IL6R: variants seen among roughly 807,000 people sequenced by gnomAD.
IL6R encodes the protein interleukin-6 receptor subunit alpha.
IL6R carries 38 observed loss-of-function variants against 48.3 expected under a neutral mutation model. The observed-to-expected ratio is 0.79, with a 90% CI of 0.61 to 1.03. IL6R has a LOEUF of 1.03. IL6R is among the 50% of genes least tolerant of loss of function. The pLI, the probability that IL6R is intolerant of heterozygous loss-of-function variation, is 0.00. For synonymous variants in IL6R, 264 were observed against 256.2 expected (o/e 1.03, Z -0.29); for missense variants, 534 against 618.3 (o/e 0.86, Z 1.45).
At chr1:154,448,243 C>A in intron 7 of IL6R, 72 bp downstream of exon 7, 1 of 1,270,184 alleles carries the variant, frequency 7.9e-7, no homozygotes. Flanking sequence ...TGATGCCAGA[C>A]CGAATTTGGT....
intron 6 of IL6R, among the ~76,000 whole-genome samples, chr1:154,440,013 C>T (rs1689845850): frequency 6.6e-6 from 1 of 152,260 alleles, no homozygotes; most frequent in African/African-American, 2.4e-5. Context: ...AGCAATTCTC[C>T]AGCCTTAGCC....
chr1:154,417,896 G>A (rs991903085), intron 1 of IL6R, among the ~76,000 whole-genome samples: 3 of 152,000 alleles, frequency 2.0e-5, no homozygotes, highest in Non-Finnish European at 2.9e-5. Context: ...CACCATACCC[G>A]GCTAATTTTT....
chr1:154,405,739 G>T lies in IL6R; in HGVS notation c.85+25G>T. The T allele has an allele frequency of 7.0e-7, 1 of 1,432,074 alleles. No individual in the cohort carries two copies. The highest frequency in any genetic ancestry group is 9.1e-7 in the Non-Finnish European group (1 of 1,098,226). 88.7% of individuals were successfully genotyped at this position (1,432,074 alleles called of 1,614,324 possible). A position where few individuals can be genotyped will look rare whatever the true frequency, so the allele number is the denominator to read the frequency against. On this transcript the variant is annotated intron_variant, in intron 1 of 9. Coordinates refer to ENST00000368485, the MANE Select transcript of IL6R (RefSeq NM_000565.4). This position sits in a 1 kb window ranked among gnomAD's most constrained non-coding sequence, Gnocchi z 5.2. ...GGTAAGGGCTTCGGGCGCACCTGGA[G>T]GGCTGGGGCAGCTAGCGGCTGGGGG...
chr1:154,426,873 C>A (rs1689005560), intron 1 of IL6R, among the ~76,000 whole-genome samples: 1 of 152,014 alleles, frequency 6.6e-6, no homozygotes, highest in African/African-American at 2.4e-5. Context: ...CAGTAGCAGT[C>A]CACCCCTTAT....
At chr1:154,452,934 G>A (rs1010450399) in intron 8 of IL6R, among the ~76,000 whole-genome samples, 3 of 152,296 alleles carry the variant, frequency 2.0e-5, no homozygotes, top group South Asian at 2.1e-4. Flanking sequence ...GCCAGGCGCC[G>A]TGGCTCATGC....
chr1:154,451,243 C>A (rs968916746), intron 8 of IL6R, among the ~76,000 whole-genome samples: 1 of 152,124 alleles, frequency 6.6e-6, no homozygotes, highest in African/African-American at 2.4e-5. Context: ...ATGGGCCGGG[C>A]GCGGTGGCTT....
intron 1 of IL6R, 106 bp from the exon 2 acceptor site, chr1:154,429,090 G>A: frequency 7.8e-7 from 1 of 1,275,614 alleles, no homozygotes; most frequent in Non-Finnish European, 1.1e-6. Context: ...GGTAGCCTGG[G>A]CCACTTCATC....
intron 1 of IL6R, chr1:154,415,087 TA>T: frequency 7.7e-7 from 1 of 1,306,540 alleles, no homozygotes. Context: ...CTGCACTTGC[TA>T]AGATTGGGGC....
At chr1:154,463,745 ATCTT>A (rs1423582379) in intron 9 of IL6R, among the ~76,000 whole-genome samples, 3 of 152,232 alleles carry the variant, frequency 2.0e-5, no homozygotes, top group African/African-American at 2.4e-5. Context: ...TCACCATTTC[ATCTT>A]TCTTTGAGCT....
intron 1 of IL6R, among the ~76,000 whole-genome samples, chr1:154,408,627 A>G (rs12083537): frequency 0.22 from 33,548 of 151,940 alleles, 4,020 homozygotes; most frequent in African/African-American, 0.29. Context: ...CTCAGCAGCC[A>G]GGGTAAACAA....
At chr1:154,418,411 A>T in intron 1 of IL6R, 1 of 984,890 alleles carries the variant, frequency 1.0e-6, no homozygotes, top group Middle Eastern at 5.2e-4. Flanking sequence ...CATCGTGTGG[A>T]TGGGAGGAAG....
chr1:154,449,044 C>T (rs913754804), intron 7 of IL6R, among the ~76,000 whole-genome samples: 31 of 147,120 alleles, frequency 2.1e-4, no homozygotes, highest in Middle Eastern at 3.5e-3. Context: ...CAGGCGCCCG[C>T]GACCGCGCCT....
At chr1:154,451,682 A>C (rs1397665815) in intron 8 of IL6R, among the ~76,000 whole-genome samples, 1 of 151,740 alleles carries the variant, frequency 6.6e-6, no homozygotes, top group Non-Finnish European at 1.5e-5. Flanking sequence ...GATTACAGGC[A>C]TGCACCACCA....
intron 8 of IL6R, among the ~76,000 whole-genome samples, chr1:154,452,715 C>T (rs1317722689): frequency 1.3e-5 from 2 of 151,744 alleles, no homozygotes; most frequent in Non-Finnish European, 2.9e-5. Flanking sequence ...CCTGTAGTCC[C>T]AGCTCCTCGG....
At chr1:154,424,218 C>G (rs1165002439) in intron 1 of IL6R, among the ~76,000 whole-genome samples, 1 of 152,196 alleles carries the variant, frequency 6.6e-6, no homozygotes, top group African/African-American at 2.4e-5. Flanking sequence ...GTGGGCACCC[C>G]TAACATGCCC....
intron 1 of IL6R, chr1:154,414,693 G>T: frequency 1.2e-6 from 1 of 855,098 alleles, no homozygotes; most frequent in Non-Finnish European, 2.0e-6. Context: ...ACACTTTGTT[G>T]TAGCTGCCCT....
chr1:154,426,076 G>GACACACACACACACACAC (rs34280647), intron 1 of IL6R, among the ~76,000 whole-genome samples: 94 of 119,962 alleles, frequency 7.8e-4, no homozygotes, highest in African/African-American at 2.8e-3. Context: ...CCCTGTATCA[G>GACACACACACACACACAC]ACACACACAC....
rs1691594988 is a variant in IL6R, at chr1:154,467,300, T to C, written c.*1920T>C. 1 of 152,150 alleles carries C rather than the reference T, an allele frequency of 6.6e-6. No individual in the cohort carries two copies. Among genetic ancestry groups the C allele is most frequent in the African/African-American group, 2.4e-5 (1 of 41,426 alleles). The allele number at this position is 152,150 out of a possible 1,614,324, so 9.4% of individuals were successfully genotyped here. A position where few individuals can be genotyped will look rare whatever the true frequency, so the allele number is the denominator to read the frequency against. ...TGTCCGAGCTTTGAAAATTCAGTGGTGTTAGTGGTTACCCAGTTAGCTCTC... is the reference window on the plus strand; with the variant it reads ...TGTCCGAGCTTTGAAAATTCAGTGGCGTTAGTGGTTACCCAGTTAGCTCTC... On this transcript the variant is annotated 3_prime_UTR_variant, in exon 10 of 10. Coordinates refer to ENST00000368485, the MANE Select transcript of IL6R (RefSeq NM_000565.4).
At chr1:154,441,405 A>C (rs1031551353) in intron 6 of IL6R, among the ~76,000 whole-genome samples, 2 of 152,098 alleles carry the variant, frequency 1.3e-5, no homozygotes, top group Admixed American at 1.3e-4. Context: ...GTTTCTTCTC[A>C]TGTAAGGAGC....
Sources: allele counts gnomAD v4.1 joint callset (sites outside exome capture counted in the v4.1 genomes callset), GRCh38; gene constraint gnomAD v4.1.1; non-coding constraint Gnocchi (gnomAD v3.1); transcripts MANE v1.5; gene names NCBI Gene and HGNC (gene_info 2026-07-23, HGNC 2026-07-21).